UBE2E2: variants seen among roughly 807,000 people sequenced by gnomAD.
UBE2E2 encodes ubiquitin conjugating enzyme E2 E2, also known as ubiquitin-conjugating enzyme E2 E2.
UBE2E2 carries 6 observed loss-of-function variants against 24.7 expected under a neutral mutation model. The ratio of observed to expected loss-of-function variants is 0.24; its 90% CI spans 0.13 to 0.48. The LOEUF is 0.48. Among genes scored for constraint, UBE2E2 ranks in the 20% least tolerant of loss-of-function variants. UBE2E2 has a pLI of 0.99. For missense variants in UBE2E2, 169 were observed against 245.0 expected, an observed-to-expected ratio of 0.69 and a Z score of 2.07; for synonymous variants, 104 against 83.6, an observed-to-expected ratio of 1.24 and a Z score of -1.33.
chr3:23,418,117 C>G (rs1697689039), intron 3 of UBE2E2, among the ~76,000 whole-genome samples: 1 of 152,192 alleles, frequency 6.6e-6, no homozygotes, highest in Non-Finnish European at 1.5e-5. Flanking sequence ...AAAAAAAATC[C>G]TGCAGCTAGC....
chr3:23,500,324 A>T (rs918106579), intron 4 of UBE2E2, among the ~76,000 whole-genome samples: 4 of 152,240 alleles, frequency 2.6e-5, no homozygotes, highest in Non-Finnish European at 5.9e-5. Context: ...GAAACTAATC[A>T]ATGAAAAGTC....
At chr3:23,546,729 T>C (rs1276119391) in intron 5 of UBE2E2, among the ~76,000 whole-genome samples, 1 of 152,002 alleles carries the variant, frequency 6.6e-6, no homozygotes, top group African/African-American at 2.4e-5. Context: ...CACCTCAGCC[T>C]CCCAAATTGC....
chr3:23,525,729 C>T (rs1694980331), intron 4 of UBE2E2, among the ~76,000 whole-genome samples: 1 of 152,154 alleles, frequency 6.6e-6, no homozygotes, highest in South Asian at 2.1e-4. Context: ...CATTTTTTAT[C>T]ATTTGCTTGT....
chr3:23,409,410 G>T (rs1479953418), intron 3 of UBE2E2, among the ~76,000 whole-genome samples: 1 of 152,142 alleles, frequency 6.6e-6, no homozygotes. Context: ...AACCCTTTGG[G>T]TAGAAACTTC....
chr3:23,351,029 G>A (rs538187657), intron 3 of UBE2E2, among the ~76,000 whole-genome samples: 39 of 152,220 alleles, frequency 2.6e-4, no homozygotes, highest in Non-Finnish European at 5.3e-4. Flanking sequence ...CAGACTAACA[G>A]CAGATCTCTC....
At chr3:23,391,472 T>A (rs905337192) in intron 3 of UBE2E2, among the ~76,000 whole-genome samples, 1 of 152,232 alleles carries the variant, frequency 6.6e-6, no homozygotes, top group African/African-American at 2.4e-5. Context: ...ATGCAAACAT[T>A]TAAAAATATG....
At chr3:23,368,483 CTA>C (rs1339638595) in intron 3 of UBE2E2, among the ~76,000 whole-genome samples, 2 of 151,982 alleles carry the variant, frequency 1.3e-5, no homozygotes, top group African/African-American at 4.8e-5. Flanking sequence ...TTCCAAAACA[CTA>C]TGTCTTTCTT....
At chr3:23,224,155 G>GCTTTTTTTTTT (rs1488736163) in intron 3 of UBE2E2, among the ~76,000 whole-genome samples, 1 of 94,782 alleles carries the variant, frequency 1.1e-5, no homozygotes, top group African/African-American at 3.6e-5. Context: ...GTAAATTTTA[G>GCTTTTTTTTTT]GTTTTTTTTT....
chr3:23,423,535 A>G (rs1027365922), intron 3 of UBE2E2, among the ~76,000 whole-genome samples: 1 of 152,174 alleles, frequency 6.6e-6, no homozygotes, highest in African/African-American at 2.4e-5. Context: ...GAGAGTTAAT[A>G]TATTGCCATC....
chr3:23,561,980 G>A (rs557462483), intron 5 of UBE2E2, among the ~76,000 whole-genome samples: 16 of 152,138 alleles, frequency 1.1e-4, no homozygotes, highest in African/African-American at 3.9e-4. Context: ...TGAGACAATG[G>A]GATTTTCTAG....
Position 23,203,373 on chromosome 3 carries a change from G to A in UBE2E2, c.-100G>A. Reference sequence around the variant, plus strand: ...CCGCAGGGGACATCCCGTCCCTGGGGCCTCCCCAGTCTCCCTCCCCCTCGC... The same window carrying A: ...CCGCAGGGGACATCCCGTCCCTGGGACCTCCCCAGTCTCCCTCCCCCTCGC... On this transcript the variant is annotated 5_prime_UTR_variant, in exon 1 of 6. Coordinates refer to ENST00000396703, the MANE Select transcript of UBE2E2 (RefSeq NM_152653.4). 3 of 985,770 alleles carry A rather than the reference G, an allele frequency of 3.0e-6. No homozygotes were observed. The highest frequency in any genetic ancestry group is 1.2e-6 in the Non-Finnish European group (1 of 830,298). 61.1% of individuals were successfully genotyped at this position (985,770 alleles called of 1,614,324 possible).
Position 23,532,655 on chromosome 3 carries a change from TA to T in UBE2E2, c.465del (p.Val156PhefsTer27). 2 of 1,571,318 alleles carry T rather than the reference TA, an allele frequency of 1.3e-6. No individual in the cohort carries two copies. Among genetic ancestry groups the T allele is most frequent in the Non-Finnish European group, 1.7e-6 (2 of 1,150,370 alleles). The part of the protein sequence containing the change: ...DNWSPALTIS[K>X]VLLSICSLLT... ...ACTGGAGTCCGGCTTTAACTATTTC[TA>T]AAGTTCTCCTCTCCATCTGCTCACT... On this transcript the variant is annotated frameshift_variant, in exon 5 of 6. Transcript: ENST00000396703. LOFTEE classifies it high-confidence loss of function.
At chr3:23,544,672 G>T (rs1559416907) in intron 5 of UBE2E2, among the ~76,000 whole-genome samples, 2 of 152,310 alleles carry the variant, frequency 1.3e-5, no homozygotes, top group Admixed American at 6.5e-5. Context: ...CTGAAGGGGT[G>T]GGTTGCCCCT....
intron 3 of UBE2E2, among the ~76,000 whole-genome samples, chr3:23,383,657 C>T (rs1423876527): frequency 6.6e-6 from 1 of 151,672 alleles, no homozygotes; most frequent in Non-Finnish European, 1.5e-5. Flanking sequence ...TTTTGTTTTA[C>T]AAGTGTTGGG....
At chr3:23,529,639 C>T (rs530799136) in intron 4 of UBE2E2, among the ~76,000 whole-genome samples, 1 of 151,998 alleles carries the variant, frequency 6.6e-6, no homozygotes, top group Non-Finnish European at 1.5e-5. Context: ...TATTATTTTC[C>T]CTATTGAGTT....
At chr3:23,441,090 G>A (rs986081016) in intron 3 of UBE2E2, among the ~76,000 whole-genome samples, 1 of 152,124 alleles carries the variant, frequency 6.6e-6, no homozygotes, top group African/African-American at 2.4e-5. Flanking sequence ...TTTTTACACC[G>A]ACTTGCAAAC....
At chr3:23,525,973 C>T (rs1694987455) in intron 4 of UBE2E2, among the ~76,000 whole-genome samples, 1 of 152,198 alleles carries the variant, frequency 6.6e-6, no homozygotes, top group African/African-American at 2.4e-5. Flanking sequence ...CTAAGGACCG[C>T]AAACAATTCC....
intron 3 of UBE2E2, among the ~76,000 whole-genome samples, chr3:23,352,695 A>C (rs1314319899): frequency 6.6e-6 from 1 of 152,200 alleles, no homozygotes; most frequent in Non-Finnish European, 1.5e-5. Context: ...AAGAAGTTGA[A>C]TCTCTGAATA....
intron 3 of UBE2E2, among the ~76,000 whole-genome samples, chr3:23,383,982 A>C (rs1696744109): frequency 6.6e-6 from 1 of 151,644 alleles, no homozygotes; most frequent in Admixed American, 6.6e-5. Context: ...TAACGTGCTC[A>C]AAGTGATGGT....
Sources: gnomAD v4.1 joint callset for allele counts (sites outside exome capture counted in the v4.1 genomes callset) on GRCh38, gnomAD v4.1.1 for gene constraint, MANE v1.5 for transcripts, NCBI Gene and HGNC (gene_info 2026-07-23, HGNC 2026-07-21) for gene names.